Variants in KCNAB2 observed in about 807,000 individuals in gnomAD.
KCNAB2 encodes the protein voltage-gated potassium channel subunit beta-2.
Under a neutral mutation model 63.6 loss-of-function variants are expected in KCNAB2, and 29 were observed. That is an observed-to-expected ratio of 0.46 (90% CI 0.34 to 0.62). The LOEUF is 0.62. Among genes scored for constraint, KCNAB2 ranks in the 20% least tolerant of loss-of-function variants. The probability of loss-of-function intolerance (pLI) is 0.01; values close to 1 mark genes in which losing one functional copy is unlikely to be tolerated. For missense variants in KCNAB2, 359 were observed against 563.9 expected, an observed-to-expected ratio of 0.64 and a Z score of 3.68; for synonymous variants, 222 against 224.2, an observed-to-expected ratio of 0.99 and a Z score of 0.09.
At chr1:6,036,173 G>A (rs1660022145) in intron 1 of KCNAB2, 1 of 152,286 alleles carries the variant, frequency 6.6e-6, no homozygotes, top group African/African-American at 2.4e-5. Context: ...TCAAATGGAA[G>A]GCAAGAAACA....
intron 1 of KCNAB2, among the ~76,000 whole-genome samples, chr1:6,047,377 C>T (rs1445194065): frequency 1.3e-5 from 2 of 152,140 alleles, no homozygotes; most frequent in Non-Finnish European, 1.5e-5. Flanking sequence ...GTCCTCTGTC[C>T]CCAGGCACCG....
At chr1:6,084,069 A>G (rs1664441714) in intron 5 of KCNAB2, among the ~76,000 whole-genome samples, 1 of 152,232 alleles carries the variant, frequency 6.6e-6, no homozygotes, top group African/African-American at 2.4e-5. Context: ...GAGCATTCAG[A>G]GCGCATGCTA....
At chr1:6,051,883 C>A in intron 2 of KCNAB2, 129 bp downstream of exon 2, 1 of 1,083,536 alleles carries the variant, frequency 9.2e-7, no homozygotes, top group South Asian at 1.8e-5. Context: ...GCGGGTGGAT[C>A]ACCTGAGATC....
In KCNAB2 at chr1:6,051,658, G is replaced by C. The variant is rs530635823; in HGVS notation, c.122G>C (p.Arg41Pro). 6.5e-7 allele frequency: 1 copy of C among 1,534,078 alleles called. No homozygotes were observed. Among genetic ancestry groups the C allele is most frequent in the Non-Finnish European group, 8.7e-7 (1 of 1,146,670 alleles). The change falls in exon 2 of 16, where the codon CGG becomes CCG. Residue 41 changes from arginine (R) to proline (P), a missense_variant. By Grantham distance (103) the Arg-to-Pro change is moderately radical. Coordinates refer to ENST00000378083, the MANE Select transcript of KCNAB2 (RefSeq NM_001199862.2). ...TLELQRLREV[R>P]AAAQARNMES... ...GAACTGCAGCGGCTGCGGGAGGTGC[G>C]GGCGGCTGCCCAGGCCAGGAACATG...
upstream of KCNAB2, among the ~76,000 whole-genome samples, chr1:6,042,213 C>G (rs550819446): frequency 6.6e-6 from 1 of 152,324 alleles, no homozygotes; most frequent in Non-Finnish European, 1.5e-5. Context: ...TGGTCACCAG[C>G]TTGCCCTGCT....
At chr1:6,091,345 T>G in intron 10 of KCNAB2, 38 bp downstream of exon 10, 2 of 1,396,984 alleles carry the variant, frequency 1.4e-6, no homozygotes, top group Middle Eastern at 1.7e-4. Flanking sequence ...GACTTCTGTG[T>G]CCAAGCTGCA....
Position 6,095,619 on chromosome 1 carries a change from T to C in KCNAB2, c.943T>C (p.Leu315=). The C allele has an allele frequency of 6.2e-7, 1 of 1,613,232 alleles. No homozygotes were observed. Among genetic ancestry groups the C allele is most frequent in the East Asian group, 2.2e-5 (1 of 44,870 alleles). ...SGIPPYSRAS[L]KGYQWLKDKI... ...CATCCCACCCTACTCAAGAGCCTCC[T>C]TGAAGGTGAAGGAACAGCCTGGTGG... Residue 315 remains leucine, a synonymous_variant, in exon 13 of 16, where the codon TTG becomes CTG. Transcript: ENST00000378083.
intron 2 of KCNAB2, among the ~76,000 whole-genome samples, chr1:6,072,376 A>T (rs531482150): frequency 1.3e-5 from 2 of 152,328 alleles, no homozygotes; most frequent in East Asian, 3.9e-4. Flanking sequence ...ATGCAGCCTT[A>T]GAGAGGAAGG....
At chr1:6,033,293 G>A (rs895839319), upstream of KCNAB2, among the ~76,000 whole-genome samples, 6 of 131,810 alleles carry the variant, frequency 4.6e-5, no homozygotes, top group African/African-American at 1.5e-4. Flanking sequence ...GTGGGCATGT[G>A]GGTGTGCATA....
chr1:6,095,871 C>CA (rs1173940948), intron 13 of KCNAB2, among the ~76,000 whole-genome samples: 1 of 138,660 alleles, frequency 7.2e-6, no homozygotes, highest in African/African-American at 2.6e-5. Context: ...ACATCCCCCC[C>CA]CCTGCCCCCA....
chr1:6,073,816 C>G lies in KCNAB2; in HGVS notation c.300+46C>G. The stretch of plus-strand genomic sequence containing the variant: ...CACCCCAGAACCCAGCACGGGCTCG[C>G]CAGAGCACATGGTTAAGTCTGCCGC... On this transcript the variant is annotated intron_variant, in intron 4 of 15. Coordinates refer to ENST00000378083, the MANE Select transcript of KCNAB2 (RefSeq NM_001199862.2). This position sits in a 1 kb window ranked among gnomAD's most constrained non-coding sequence, Gnocchi z 5.7. 6.3e-7 allele frequency: 1 copy of G among 1,595,872 alleles called. No homozygotes were observed. The highest frequency in any genetic ancestry group is 1.1e-5 in the South Asian group (1 of 90,760).
upstream of KCNAB2, among the ~76,000 whole-genome samples, chr1:6,044,410 T>C (rs1047608279): frequency 2.0e-5 from 3 of 152,194 alleles, no homozygotes; most frequent in Non-Finnish European, 4.4e-5. Context: ...GGCTTGGATC[T>C]GGTCCTTGAA....
upstream of KCNAB2, chr1:6,041,908 C>G (rs753995519): frequency 6.2e-7 from 1 of 1,606,298 alleles, no homozygotes; most frequent in South Asian, 1.1e-5. Flanking sequence ...ACCCAGCGAG[C>G]CGAAGGCCAG....
chr1:6,087,803 C>A lies in KCNAB2; in HGVS notation c.470+292C>A, dbSNP rs770398507. On this transcript the variant is annotated intron_variant, in intron 7 of 15. Coordinates refer to ENST00000378083, the MANE Select transcript of KCNAB2 (RefSeq NM_001199862.2). The surrounding 1 kb of genome is among the most constrained non-coding windows in gnomAD (Gnocchi z 6.4). ...TGGCCGAGTTTGCCTTTTACAAAAA[C>A]CTCGCTTAACTTTCCTTTTTACTCA... Among the ~76,000 whole-genome samples the A allele has an allele frequency of 2.6e-5, 4 of 152,240 alleles. No individual in the cohort carries two copies. The highest frequency in any genetic ancestry group is 4.8e-5 in the African/African-American group (2 of 41,466).
intron 2 of KCNAB2, among the ~76,000 whole-genome samples, chr1:6,066,712 A>G (rs559194641): frequency 1.3e-5 from 2 of 152,350 alleles, no homozygotes; most frequent in African/African-American, 4.8e-5. Flanking sequence ...CCAGGCCACC[A>G]TGACAAACAT....
In KCNAB2 at chr1:6,046,087, A is replaced by G. The variant is rs894579006; in HGVS notation, c.-123A>G. ...TGACGTCCTGCAGTGACACTCCCTA[A>G]TGAAAAAGCCGCTGTGCCAGATCCT... On this transcript the variant is annotated 5_prime_UTR_variant, in exon 1 of 16. An upstream start codon of the reference 5' UTR is lost. Coordinates refer to ENST00000378083, the MANE Select transcript of KCNAB2 (RefSeq NM_001199862.2). The G allele has an allele frequency of 7.1e-6, 7 of 985,250 alleles. No homozygotes were observed. Among genetic ancestry groups the G allele is most frequent in the African/African-American group, 3.5e-5 (2 of 57,226 alleles). The allele number at this position is 985,250 out of a possible 1,614,324, so 61.0% of individuals were successfully genotyped here. A position where few individuals can be genotyped will look rare whatever the true frequency, so the allele number is the denominator to read the frequency against.
At position 6,087,854 on chromosome 1, in the gene KCNAB2, A is replaced by G. The variant is rs1664834876; in HGVS notation, c.470+343A>G. On this transcript the variant is annotated intron_variant, in intron 7 of 15. Transcript: ENST00000378083. This position sits in a 1 kb window ranked among gnomAD's most constrained non-coding sequence, Gnocchi z 6.4. Reference sequence around the variant, plus strand: ...CATGGATTATTTTTTCCTGGTCACTATGGTAACATCATAAAAATTATAGAG... The same window carrying G: ...CATGGATTATTTTTTCCTGGTCACTGTGGTAACATCATAAAAATTATAGAG... Among the ~76,000 whole-genome samples the G allele has an allele frequency of 6.6e-6, 1 of 152,132 alleles. No homozygotes were observed. The highest frequency in any genetic ancestry group is 6.5e-5 in the Admixed American group (1 of 15,274).
rs1468414183 is a variant in KCNAB2, at chr1:6,099,934, G to A, written c.*1360G>A. 5 of 1,550,436 alleles carry A rather than the reference G, an allele frequency of 3.2e-6. No individual in the cohort carries two copies. The highest frequency in any genetic ancestry group is 4.4e-6 in the Non-Finnish European group (5 of 1,146,928). On this transcript the variant is annotated 3_prime_UTR_variant, in exon 16 of 16. Coordinates refer to ENST00000378083, the MANE Select transcript of KCNAB2 (RefSeq NM_001199862.2). ...GTGCGGGGTGCCACCTACAGGCCCAGGCCTGTGTCCCAAGCAGTACCCAGG... is the reference window on the plus strand; with the variant it reads ...GTGCGGGGTGCCACCTACAGGCCCAAGCCTGTGTCCCAAGCAGTACCCAGG...
upstream of KCNAB2, chr1:6,041,679 A>G: frequency 1.5e-6 from 1 of 659,006 alleles, no homozygotes. Context: ...GCTTCCTCAG[A>G]GACTGCCCTG....
Sources: gnomAD v4.1 joint callset for allele counts (sites outside exome capture counted in the v4.1 genomes callset) on GRCh38, gnomAD v4.1.1 for gene constraint, Gnocchi (gnomAD v3.1) non-coding constraint, MANE v1.5 for transcripts, NCBI Gene and HGNC (gene_info 2026-07-23, HGNC 2026-07-21) for gene names.